MED13L: variants seen among roughly 807,000 people sequenced by gnomAD.
MED13L encodes mediator of RNA polymerase II transcription subunit 13-like.
MED13L carries 7 observed loss-of-function variants against 220.9 expected under a neutral mutation model. That is an observed-to-expected ratio of 0.03 (90% CI 0.02 to 0.06). The LOEUF (loss-of-function observed/expected upper bound fraction) is 0.06. Ranked by LOEUF, MED13L falls within the 10% of genes least tolerant of loss-of-function variation. MED13L has a pLI of 1.00. For synonymous variants in MED13L, 1,011 were observed against 1,015.2 expected (o/e 1.00, Z 0.08); for missense variants, 1,965 against 2,760.5 (o/e 0.71, Z 6.46).
intron 3 of MED13L, among the ~76,000 whole-genome samples, chr12:116,099,151 T>A (rs1389966266): frequency 6.6e-6 from 1 of 152,142 alleles, no homozygotes; most frequent in Non-Finnish European, 1.5e-5. Flanking sequence ...GAGAATGTCA[T>A]CCAGATAATA....
At chr12:116,047,198 T>C (rs1881890441) in intron 4 of MED13L, among the ~76,000 whole-genome samples, 1 of 150,104 alleles carries the variant, frequency 6.7e-6, no homozygotes, top group Non-Finnish European at 1.5e-5. Context: ...AAAAGAAAAA[T>C]AAAAAATTGG....
At chr12:116,225,661 A>G (rs1453461176) in intron 2 of MED13L, among the ~76,000 whole-genome samples, 3 of 152,208 alleles carry the variant, frequency 2.0e-5, no homozygotes, top group Non-Finnish European at 4.4e-5. Context: ...TTCAAAGTGA[A>G]TAACATGCCT....
At position 115,969,087 on chromosome 12, in the gene MED13L, A is replaced by T; in HGVS notation, c.6078T>A (p.Phe2026Leu). Reference protein sequence around the residue: ...DGFSPNNDDMFVDLPFPDDMD... With the variant: ...DGFSPNNDDMLVDLPFPDDMD... ...TATCATCTGGGAATGGAAGGTCAAC[A>T]AACATATCATCTAGAGGGAAGGGGG... Residue 2026 changes from phenylalanine (F) to leucine (L), a missense_variant, in exon 28 of 31, where the codon TTT (phenylalanine) becomes TTA (leucine). Around this residue, in one of 10 missense-constraint regions of MED13L, gnomAD observed 145 missense variants for 328.3 expected, o/e 0.44. Coordinates refer to ENST00000281928, the MANE Select transcript of MED13L (RefSeq NM_015335.5). 6.2e-7 allele frequency: 1 copy of T among 1,614,010 alleles called. No individual in the cohort carries two copies. The highest frequency in any genetic ancestry group is 8.5e-7 in the Non-Finnish European group (1 of 1,179,924).
chr12:116,051,571 T>C (rs1156404236), intron 4 of MED13L, among the ~76,000 whole-genome samples: 1 of 152,314 alleles, frequency 6.6e-6, no homozygotes, highest in East Asian at 1.9e-4. Flanking sequence ...GAATATCGGA[T>C]TTCAAACTTC....
chr12:115,968,205 A>G (rs1876334849), intron 28 of MED13L, among the ~76,000 whole-genome samples: 2 of 152,144 alleles, frequency 1.3e-5, no homozygotes. Context: ...ATAACATTTT[A>G]AATAAACAGT....
intron 28 of MED13L, among the ~76,000 whole-genome samples, chr12:115,967,027 C>T (rs1051082646): frequency 6.6e-6 from 1 of 151,762 alleles, no homozygotes; most frequent in Admixed American, 6.6e-5. Context: ...AAAAATTAGC[C>T]AGGCACAGTA....
chr12:116,135,987 TC>T (rs1565894560), intron 2 of MED13L, among the ~76,000 whole-genome samples: 2 of 148,962 alleles, frequency 1.3e-5, no homozygotes, highest in African/African-American at 2.5e-5. Flanking sequence ...CACTGCAACC[TC>T]CGCCTCCTGG....
chr12:115,968,013 T>A (rs1876302833), intron 28 of MED13L, among the ~76,000 whole-genome samples: 1 of 147,520 alleles, frequency 6.8e-6, no homozygotes, highest in Non-Finnish European at 1.5e-5. Context: ...AAACCTTTTT[T>A]CTCTCCAGCG....
At chr12:116,214,237 G>A (rs910211590) in intron 2 of MED13L, among the ~76,000 whole-genome samples, 1 of 152,044 alleles carries the variant, frequency 6.6e-6, no homozygotes, top group Non-Finnish European at 1.5e-5. Flanking sequence ...TCGACAACTT[G>A]GGTTTAACAG....
At chr12:116,115,142 T>C (rs1414514374) in intron 2 of MED13L, among the ~76,000 whole-genome samples, 4 of 152,094 alleles carry the variant, frequency 2.6e-5, no homozygotes, top group South Asian at 4.1e-4. Context: ...AATACTTACG[T>C]CAACCGAGTT....
intron 2 of MED13L, among the ~76,000 whole-genome samples, chr12:116,211,280 G>A (rs1442404058): frequency 2.0e-5 from 3 of 152,158 alleles, no homozygotes; most frequent in Non-Finnish European, 4.4e-5. Flanking sequence ...AATGTGTTCT[G>A]ACACCAGGGA....
At chr12:115,972,948 G>A (rs529418505) in intron 25 of MED13L, among the ~76,000 whole-genome samples, 160 of 152,160 alleles carry the variant, frequency 1.1e-3, no homozygotes, top group African/African-American at 3.2e-3. Flanking sequence ...CGAAGTATGC[G>A]CCATTCCTAT....
chr12:116,163,815 T>A (rs1879058351), intron 2 of MED13L, among the ~76,000 whole-genome samples: 1 of 152,204 alleles, frequency 6.6e-6, no homozygotes, highest in African/African-American at 2.4e-5. Context: ...TATTTCCTAA[T>A]ATAAGCCAAT....
intron 28 of MED13L, among the ~76,000 whole-genome samples, chr12:115,966,624 C>T (rs562736862): frequency 3.3e-5 from 5 of 152,292 alleles, no homozygotes; most frequent in Non-Finnish European, 5.9e-5. Flanking sequence ...GACACACAAG[C>T]GCACCAGCCT....
intron 22 of MED13L, among the ~76,000 whole-genome samples, chr12:115,981,504 T>C (rs1358087976): frequency 1.3e-5 from 2 of 152,168 alleles, no homozygotes; most frequent in East Asian, 1.9e-4. Context: ...CATTACACTA[T>C]AAAGCTGTCA....
At chr12:116,007,945 A>G in intron 10 of MED13L, 1 of 386,886 alleles carries the variant, frequency 2.6e-6, no homozygotes, top group Non-Finnish European at 4.7e-6. Flanking sequence ...AATATGGTAC[A>G]GTGAAGATTA....
intron 3 of MED13L, among the ~76,000 whole-genome samples, chr12:116,110,988 T>A (rs1054897248): frequency 5.3e-5 from 8 of 152,224 alleles, no homozygotes; most frequent in Admixed American, 4.6e-4. Context: ...TAAGCTATAA[T>A]GGATGTAACT....
chr12:116,178,732 A>G (rs1880266098), intron 2 of MED13L, among the ~76,000 whole-genome samples: 1 of 152,172 alleles, frequency 6.6e-6, no homozygotes, highest in African/African-American at 2.4e-5. Flanking sequence ...GTCTTAATCA[A>G]CTTAAGCAGT....
At chr12:116,111,639 C>A in intron 2 of MED13L, 127 bp from the exon 3 acceptor site, 2 of 710,784 alleles carry the variant, frequency 2.8e-6, no homozygotes, top group East Asian at 2.7e-5. Context: ...AATAATCTCA[C>A]GCTGAAACAG....
Sources: allele counts gnomAD v4.1 joint callset (sites outside exome capture counted in the v4.1 genomes callset), GRCh38; gene constraint gnomAD v4.1.1; regional missense constraint gnomAD v4.1.1; transcripts MANE v1.5; gene names NCBI Gene and HGNC (gene_info 2026-07-23, HGNC 2026-07-21).